Variants in DPP6 observed in about 807,000 individuals in gnomAD.
DPP6 encodes the protein dipeptidyl peptidase like 6, also known as A-type potassium channel modulatory protein DPP6.
DPP6 carries 69 observed loss-of-function variants against 122.6 expected under a neutral mutation model. That is an observed-to-expected ratio of 0.56 (90% CI 0.46 to 0.69). DPP6 has a LOEUF of 0.69. DPP6 is among the 30% of genes least tolerant of loss of function. The pLI is 0.00. For missense variants in DPP6, 928 were observed against 1,116.9 expected (o/e 0.83, Z 2.41); for synonymous variants, 418 against 433.1 (o/e 0.97, Z 0.43).
chr7:154,089,769 A>G (rs1804673501), intron 1 of DPP6, among the ~76,000 whole-genome samples: 2 of 149,804 alleles, frequency 1.3e-5, no homozygotes, highest in South Asian at 4.4e-4. Flanking sequence ...ATCGACTTTA[A>G]TCTTCTCTGG....
In DPP6 at chr7:154,029,853, A is replaced by C. The variant is rs549913522; in HGVS notation, c.51+142119A>C. ...AGAGCGAAACTCCATCTCAAAAAAA[A>C]AAAGTAAAGAAAAAAGAAAAAAAGA... On this transcript the variant is annotated intron_variant, in intron 1 of 25. Coordinates refer to the DPP6 transcript ENST00000404039. Among the ~76,000 whole-genome samples, 6 of 151,144 alleles carry C rather than the reference A, an allele frequency of 4.0e-5. No homozygotes were observed. In the East Asian group the frequency reaches 1.2e-3, roughly 30 times the overall value.
chr7:154,013,219 A>C (rs12155462), intron 1 of DPP6, among the ~76,000 whole-genome samples: 16,047 of 152,192 alleles, frequency 0.11, 961 homozygotes, highest in East Asian at 0.19. Context: ...CACTTGCTTT[A>C]TATATTTCCC....
the DPP6 span, among the ~76,000 whole-genome samples, chr7:153,791,215 A>G: frequency 6.6e-6 from 1 of 152,152 alleles, no homozygotes; most frequent in East Asian, 1.9e-4. Flanking sequence ...AAGACTGACT[A>G]CGTCTATATC....
intron 1 of DPP6, among the ~76,000 whole-genome samples, chr7:154,183,781 C>A (rs1798215625): frequency 6.6e-6 from 1 of 152,332 alleles, no homozygotes; most frequent in African/African-American, 2.4e-5. Flanking sequence ...CTCACACTTT[C>A]ATACCCTAGA....
chr7:154,000,217 C>G (rs2901961), intron 1 of DPP6, among the ~76,000 whole-genome samples: 1 of 152,168 alleles, frequency 6.6e-6, no homozygotes. Context: ...TGCAAATGCA[C>G]AGTATTTTGA....
chr7:154,279,605 C>G (rs1255473790), intron 1 of DPP6, among the ~76,000 whole-genome samples: 1 of 152,190 alleles, frequency 6.6e-6, no homozygotes, highest in Admixed American at 6.5e-5. Flanking sequence ...TACTGATGAT[C>G]ATTACGTTCA....
At chr7:154,254,708 G>A (rs1184043309) in intron 1 of DPP6, among the ~76,000 whole-genome samples, 1 of 152,104 alleles carries the variant, frequency 6.6e-6, no homozygotes, top group Admixed American at 6.5e-5. Context: ...TAAGAACAGG[G>A]AGGTTAGAGG....
At chr7:154,571,413 C>T (rs1831100729) in intron 5 of DPP6, among the ~76,000 whole-genome samples, 1 of 152,132 alleles carries the variant, frequency 6.6e-6, no homozygotes, top group South Asian at 2.1e-4. Context: ...CTTGAACATA[C>T]ACAAATTAGC....
intron 1 of DPP6, among the ~76,000 whole-genome samples, chr7:154,278,038 A>G (rs73491217): frequency 5.1e-4 from 77 of 152,296 alleles, no homozygotes; most frequent in African/African-American, 1.8e-3. Context: ...CGGGCGACAG[A>G]TGTGGTTCAG....
At chr7:153,917,645 T>G (rs1188883795) in intron 1 of DPP6, among the ~76,000 whole-genome samples, 1 of 152,318 alleles carries the variant, frequency 6.6e-6, no homozygotes, top group Admixed American at 6.5e-5. Flanking sequence ...ATGAAGGACC[T>G]TCTTTAAAAA....
Position 154,396,147 on chromosome 7 carries a change from T to C in DPP6, c.244-50067T>C, listed in dbSNP as rs555664275. Among the ~76,000 whole-genome samples the C allele has an allele frequency of 7.2e-5, 11 of 152,320 alleles. No homozygotes were observed. The East Asian group carries it at 1.7e-3, about 24-fold the overall frequency. On this transcript the variant is annotated intron_variant, in intron 1 of 25. Coordinates refer to ENST00000377770, the MANE Select transcript of DPP6 (RefSeq NM_130797.4). Reference sequence around the variant, plus strand: ...ATGGCACAAATAAAAATTATAACAATGATTATGTGCTTACTATGTGCATGA... The same window carrying C: ...ATGGCACAAATAAAAATTATAACAACGATTATGTGCTTACTATGTGCATGA...
intron 1 of DPP6, among the ~76,000 whole-genome samples, chr7:154,386,539 T>C (rs145666926): frequency 6.6e-6 from 1 of 152,142 alleles, no homozygotes; most frequent in African/African-American, 2.4e-5. Flanking sequence ...CACAGGTTGA[T>C]GAGAACGAGA....
chr7:153,786,945 TTTTTTGTTTTTG>T, the DPP6 span, among the ~76,000 whole-genome samples: 1 of 145,050 alleles, frequency 6.9e-6, no homozygotes. Flanking sequence ...AGATTTCCTT[TTTTTTGTTTTTG>T]TTTTTGTTTT....
chr7:154,054,194 A>T (rs1248448633), intron 1 of DPP6, among the ~76,000 whole-genome samples: 5 of 152,110 alleles, frequency 3.3e-5, no homozygotes, highest in African/African-American at 1.2e-4. Flanking sequence ...ACCCTGACAT[A>T]CCCAGGGCAG....
At chr7:154,198,781 C>T (rs1799009112) in intron 1 of DPP6, among the ~76,000 whole-genome samples, 1 of 152,156 alleles carries the variant, frequency 6.6e-6, no homozygotes, top group Non-Finnish European at 1.5e-5. Context: ...CCTCTCTCCT[C>T]TGTTTTGTAA....
At chr7:154,374,275 T>C (rs1489442629) in intron 1 of DPP6, among the ~76,000 whole-genome samples, 1 of 152,186 alleles carries the variant, frequency 6.6e-6, no homozygotes, top group Non-Finnish European at 1.5e-5. Flanking sequence ...TAGTGTTTTG[T>C]GGATCAAATG....
intron 1 of DPP6, among the ~76,000 whole-genome samples, chr7:153,918,566 G>GTCTC (rs59605527): frequency 2.9e-5 from 3 of 104,470 alleles, no homozygotes; most frequent in South Asian, 7.7e-4. Context: ...CACACACACA[G>GTCTC]TCTCTCTCTC....
At chr7:153,920,231 G>C (rs536352888) in intron 1 of DPP6, among the ~76,000 whole-genome samples, 6 of 152,220 alleles carry the variant, frequency 3.9e-5, no homozygotes, top group African/African-American at 1.4e-4. Flanking sequence ...ACATGTCACT[G>C]GGTTAATAAT....
chr7:153,796,630 A>G, the DPP6 span, among the ~76,000 whole-genome samples: 28 of 152,330 alleles, frequency 1.8e-4, no homozygotes, highest in African/African-American at 6.5e-4. Context: ...TGCTAAAAAT[A>G]TAACACGTGG....
Sources: allele counts gnomAD v4.1 joint callset (sites outside exome capture counted in the v4.1 genomes callset), GRCh38; gene constraint gnomAD v4.1.1; transcripts MANE v1.5; gene names NCBI Gene and HGNC (gene_info 2026-07-23, HGNC 2026-07-21).